Variants in AGTPBP1 observed in about 807,000 individuals in gnomAD.
AGTPBP1 encodes the protein cytosolic carboxypeptidase 1.
In AGTPBP1, 70 loss-of-function variants were observed where a neutral mutation model predicts 143.9. The observed-to-expected ratio is 0.49, with a 90% CI of 0.40 to 0.59. The LOEUF is 0.59. Among genes scored for constraint, AGTPBP1 ranks in the 20% least tolerant of loss-of-function variants. The pLI is 0.00. For missense variants in AGTPBP1, 1,229 were observed against 1,464.5 expected, an observed-to-expected ratio of 0.84 and a Z score of 2.62; for synonymous variants, 463 against 500.2, an observed-to-expected ratio of 0.93 and a Z score of 0.99.
intron 19 of AGTPBP1, among the ~76,000 whole-genome samples, chr9:85,590,427 C>T (rs528736000): frequency 1.3e-5 from 2 of 152,072 alleles, no homozygotes; most frequent in Non-Finnish European, 2.9e-5. Flanking sequence ...TTTTTGAAAA[C>T]ACAAGTTTTA....
intron 5 of AGTPBP1, among the ~76,000 whole-genome samples, chr9:85,677,831 C>G (rs569048347): frequency 6.6e-6 from 1 of 151,988 alleles, no homozygotes; most frequent in Non-Finnish European, 1.5e-5. Flanking sequence ...TGGTGAAACC[C>G]CGTCTCAACT....
At chr9:85,780,158 G>C in the AGTPBP1 span, among the ~76,000 whole-genome samples, 2 of 151,866 alleles carry the variant, frequency 1.3e-5, no homozygotes, top group Non-Finnish European at 2.9e-5. Context: ...CAGTAGGGGA[G>C]AGTAGGTCTG....
the AGTPBP1 span, among the ~76,000 whole-genome samples, chr9:85,772,542 T>G: frequency 6.6e-6 from 1 of 152,180 alleles, no homozygotes; most frequent in Non-Finnish European, 1.5e-5. Context: ...AGTCCAGGAA[T>G]TCAAGACCAG....
intron 1 of AGTPBP1, among the ~76,000 whole-genome samples, chr9:85,717,663 T>A (rs985637231): frequency 6.6e-6 from 1 of 151,258 alleles, no homozygotes; most frequent in Non-Finnish European, 1.5e-5. Flanking sequence ...GCTTCATGAA[T>A]GGGATGAGTA....
chr9:85,572,004 GTTTTTTTTTTTTTTTTTTT>G (rs55882437), intron 25 of AGTPBP1, among the ~76,000 whole-genome samples: 4,684 of 43,432 alleles, frequency 0.11, 359 homozygotes, highest in African/African-American at 0.28. Flanking sequence ...GTTTGTGTGT[GTTTTTTTTTTTTTTTTTTT>G]TTTTTTTTTT....
chr9:85,716,576 A>G (rs190190537), intron 1 of AGTPBP1, among the ~76,000 whole-genome samples: 65 of 152,274 alleles, frequency 4.3e-4, no homozygotes, highest in South Asian at 4.1e-4. Context: ...CTCCTGTCCC[A>G]CATCCAATAC....
intron 1 of AGTPBP1, among the ~76,000 whole-genome samples, chr9:85,714,480 C>T (rs770691101): frequency 6.6e-6 from 1 of 152,254 alleles, no homozygotes; most frequent in Non-Finnish European, 1.5e-5. Context: ...CCCTTCTATG[C>T]AGTCATGTAT....
chr9:85,726,586 T>C (rs560250753), intron 1 of AGTPBP1, among the ~76,000 whole-genome samples: 8 of 152,342 alleles, frequency 5.3e-5, no homozygotes, highest in African/African-American at 1.9e-4. Context: ...AAGTCCCTCT[T>C]TACAATGCAA....
rs866433589 is a variant in AGTPBP1, at chr9:85,590,262, C to T, written c.2569-581G>A. Among the ~76,000 whole-genome samples, 23 of 151,932 alleles carry T rather than the reference C, an allele frequency of 1.5e-4. 1 individual carries two copies. The highest frequency in any genetic ancestry group is 3.4e-3 in the Middle Eastern group (1 of 294). On this transcript the variant is annotated intron_variant, in intron 19 of 25. Transcript: ENST00000357081. Reference sequence around the variant, plus strand: ...ATTTAAAACATCTACAATTGCACCACCTAGATTACTACTAACACAATGTAT... The same window carrying T: ...ATTTAAAACATCTACAATTGCACCATCTAGATTACTACTAACACAATGTAT...
At chr9:85,603,688 C>A (rs1388176873) in intron 17 of AGTPBP1, among the ~76,000 whole-genome samples, 3 of 152,056 alleles carry the variant, frequency 2.0e-5, no homozygotes, top group Non-Finnish European at 4.4e-5. Context: ...CCCTAGGGTC[C>A]CCAATTTCAG....
At chr9:85,759,732 A>C in the AGTPBP1 span, among the ~76,000 whole-genome samples, 1 of 152,206 alleles carries the variant, frequency 6.6e-6, no homozygotes, top group African/African-American at 2.4e-5. Context: ...AAGAGCAAAC[A>C]CATTCAAAAG....
chr9:85,685,582 TAAGAAA>T (rs1835440325), intron 3 of AGTPBP1, among the ~76,000 whole-genome samples: 1 of 151,682 alleles, frequency 6.6e-6, no homozygotes, highest in Non-Finnish European at 1.5e-5. Context: ...ACTGTCAGAT[TAAGAAA>T]AAAAAATCTT....
Position 85,695,338 on chromosome 9 carries a change from T to C in AGTPBP1, c.33-2525A>G, listed in dbSNP as rs1404770379. On this transcript the variant is annotated intron_variant, in intron 2 of 25. Transcript: ENST00000357081. ...CCCCTTGTTTTATCTGGTTCTTAAA[T>C]GTTTGTTACCACAGAAAATAAAACT... 3.3e-5 allele frequency among the ~76,000 whole-genome samples: 5 copies of C among 152,130 alleles called. No individual in the cohort carries two copies. The East Asian group carries it at 9.6e-4, about 29-fold the overall frequency.
At chr9:85,765,745 T>C in the AGTPBP1 span, among the ~76,000 whole-genome samples, 64 of 152,366 alleles carry the variant, frequency 4.2e-4, no homozygotes, top group Admixed American at 1.1e-3. Context: ...CTGAGAATCA[T>C]ACACAGTGGT....
intron 25 of AGTPBP1, among the ~76,000 whole-genome samples, chr9:85,564,332 T>C (rs1826939898): frequency 2.0e-5 from 3 of 152,364 alleles, no homozygotes; most frequent in South Asian, 2.1e-4. Context: ...AATAAAAATG[T>C]CTGTCCTGTT....
chr9:85,623,536 C>T (rs1014803642), intron 14 of AGTPBP1, among the ~76,000 whole-genome samples: 3 of 151,940 alleles, frequency 2.0e-5, no homozygotes, highest in African/African-American at 7.3e-5. Context: ...AGGAGGATCA[C>T]GATGTGGTCA....
rs1587811942 is a variant in AGTPBP1 at position 85,642,814 on chromosome 9, T to C, written c.1302+13A>G. On this transcript the variant is annotated intron_variant, in intron 13 of 25. Transcript: ENST00000357081. ...TAAAATCAGTTAAGATGCTGAATTTTCTATATTTATACCTGAAAATCATCA... is the reference window on the plus strand; with the variant it reads ...TAAAATCAGTTAAGATGCTGAATTTCCTATATTTATACCTGAAAATCATCA... 6.3e-7 allele frequency: 1 copy of C among 1,575,014 alleles called. No homozygotes were observed. Among genetic ancestry groups the C allele is most frequent in the Non-Finnish European group, 8.6e-7 (1 of 1,157,092 alleles).
chr9:85,779,987 T>C, the AGTPBP1 span, among the ~76,000 whole-genome samples: 1 of 152,214 alleles, frequency 6.6e-6, no homozygotes. Flanking sequence ...TGACATACTT[T>C]ATGGGGATTC....
At chr9:85,565,282 T>C (rs1827010379) in intron 25 of AGTPBP1, among the ~76,000 whole-genome samples, 4 of 152,192 alleles carry the variant, frequency 2.6e-5, no homozygotes, top group African/African-American at 9.7e-5. Flanking sequence ...TTATAACAGA[T>C]ACTGTATCTC....
Sources: allele counts gnomAD v4.1 joint callset (sites outside exome capture counted in the v4.1 genomes callset), GRCh38; gene constraint gnomAD v4.1.1; transcripts MANE v1.5; gene names NCBI Gene and HGNC (gene_info 2026-07-23, HGNC 2026-07-21).